The following TMEM272 variants were observed in gnomAD, a reference collection of about 807,000 sequenced individuals.
TMEM272 encodes transmembrane protein 272, also known as long intergenic non-protein coding RNA 282.
In TMEM272, 8 loss-of-function variants were observed where a neutral mutation model predicts 3.7. The ratio of observed to expected loss-of-function variants is 2.17; its 90% CI spans 1.27 to 3.91. The LOEUF (loss-of-function observed/expected upper bound fraction) is 3.91. Ranked by LOEUF, TMEM272 falls within the 30% of genes most tolerant of loss-of-function variation. The pLI is 0.00. For missense variants in TMEM272, 166 were observed against 91.5 expected (o/e 1.81, Z -3.32); for synonymous variants, 63 against 39.8 (o/e 1.58, Z -2.20).
At chr13:51,910,569 A>C in the TMEM272 span, 22 of 681,384 alleles carry the variant, frequency 3.2e-5, no homozygotes, top group Non-Finnish European at 5.6e-5. Flanking sequence ...CCTGGGTAGC[A>C]ACTGCAGGAC....
the TMEM272 span, among the ~76,000 whole-genome samples, chr13:51,928,680 G>A: frequency 2.0e-5 from 3 of 152,120 alleles, no homozygotes; most frequent in Non-Finnish European, 4.4e-5. Flanking sequence ...TAGAGGTCTG[G>A]AGCAGTTTGT....
At chr13:51,844,628 G>A (rs1344027344) in intron 1 of TMEM272, among the ~76,000 whole-genome samples, 1 of 152,010 alleles carries the variant, frequency 6.6e-6, no homozygotes, top group Non-Finnish European at 1.5e-5. Flanking sequence ...CACTTCCTTT[G>A]AGCTCTACCA....
the TMEM272 span, among the ~76,000 whole-genome samples, chr13:51,867,746 G>C: frequency 6.6e-6 from 1 of 152,162 alleles, no homozygotes. Flanking sequence ...CCCATCCTCA[G>C]CTCTCCATGG....
At chr13:51,854,302 A>G in the TMEM272 span, among the ~76,000 whole-genome samples, 1 of 152,202 alleles carries the variant, frequency 6.6e-6, no homozygotes, top group Non-Finnish European at 1.5e-5. Flanking sequence ...CCAAAGTTTC[A>G]TGTAAGAATA....
the TMEM272 span, chr13:51,921,102 G>C: frequency 1.3e-5 from 2 of 152,372 alleles, no homozygotes; most frequent in South Asian, 2.1e-4. Context: ...GCTGACCCTG[G>C]TCAATACGCA....
At chr13:51,884,058 A>G in the TMEM272 span, among the ~76,000 whole-genome samples, 2 of 152,240 alleles carry the variant, frequency 1.3e-5, no homozygotes, top group Admixed American at 1.3e-4. Flanking sequence ...ATTACCATCA[A>G]TAAGTGATAC....
the TMEM272 span, among the ~76,000 whole-genome samples, chr13:51,918,721 GCTCAAGTATCCTCCCAC>G: frequency 6.6e-6 from 1 of 150,978 alleles, no homozygotes; most frequent in Non-Finnish European, 1.5e-5. Context: ...AACCTCCCCA[GCTCAAGTATCCTCCCAC>G]CTCAGCCTCC....
the TMEM272 span, among the ~76,000 whole-genome samples, chr13:51,894,900 G>C: frequency 7.9e-5 from 12 of 151,976 alleles, no homozygotes; most frequent in Non-Finnish European, 1.8e-4. Context: ...CCTGCAACTA[G>C]ATGGTCCCAT....
At chr13:51,832,960 C>G (rs58763654) in intron 2 of TMEM272, among the ~76,000 whole-genome samples, 1 of 152,102 alleles carries the variant, frequency 6.6e-6, no homozygotes, top group East Asian at 1.9e-4. Flanking sequence ...GTGGAAGGGA[C>G]CAGCAGGGGC....
At chr13:51,883,284 T>C in the TMEM272 span, among the ~76,000 whole-genome samples, 1 of 152,204 alleles carries the variant, frequency 6.6e-6, no homozygotes, top group Non-Finnish European at 1.5e-5. Flanking sequence ...CCCAGCTCAG[T>C]GAACAGGGGT....
the TMEM272 span, among the ~76,000 whole-genome samples, chr13:51,887,755 C>T: frequency 6.6e-6 from 1 of 152,316 alleles, no homozygotes; most frequent in African/African-American, 2.4e-5. Context: ...GAAGACTCTG[C>T]CAACTCTTCT....
the TMEM272 span, among the ~76,000 whole-genome samples, chr13:51,851,739 G>A: frequency 6.6e-6 from 1 of 152,160 alleles, no homozygotes; most frequent in Admixed American, 6.5e-5. Flanking sequence ...TGGCCAGGCT[G>A]CTCTCAAACT....
chr13:51,885,888 T>C, the TMEM272 span, among the ~76,000 whole-genome samples: 9 of 152,164 alleles, frequency 5.9e-5, no homozygotes, highest in African/African-American at 1.7e-4. Flanking sequence ...AACAAATAAA[T>C]GCCCAATGAG....
chr13:51,818,754 T>G (rs1278712254), intron 4 of TMEM272, among the ~76,000 whole-genome samples: 1 of 152,212 alleles, frequency 6.6e-6, no homozygotes, highest in Non-Finnish European at 1.5e-5. Flanking sequence ...AATGGAGAGT[T>G]ATTACTTATG....
At chr13:51,918,803 CTTTTTTTTT>C in the TMEM272 span, among the ~76,000 whole-genome samples, 3 of 81,044 alleles carry the variant, frequency 3.7e-5, no homozygotes, top group African/African-American at 1.5e-4. Context: ...TTTTGAAATT[CTTTTTTTTT>C]TTTTTTTTTT....
chr13:51,922,271 T>C, the TMEM272 span, among the ~76,000 whole-genome samples: 2 of 152,236 alleles, frequency 1.3e-5, no homozygotes, highest in Non-Finnish European at 2.9e-5. Context: ...AAAAGAGCCC[T>C]GTTTATACAC....
At chr13:51,826,113 T>A (rs1349955806) in intron 3 of TMEM272, among the ~76,000 whole-genome samples, 1 of 139,188 alleles carries the variant, frequency 7.2e-6, no homozygotes, top group African/African-American at 2.8e-5. Flanking sequence ...ACGTGATTTA[T>A]GGAAATATTT....
the TMEM272 span, among the ~76,000 whole-genome samples, chr13:51,869,642 G>A: frequency 1.1e-4 from 16 of 151,820 alleles, no homozygotes; most frequent in East Asian, 3.9e-4. Flanking sequence ...GGCACCTGCC[G>A]CCATGCCCGG....
chr13:51,925,610 T>C, the TMEM272 span, among the ~76,000 whole-genome samples: 1 of 152,062 alleles, frequency 6.6e-6, no homozygotes, highest in Non-Finnish European at 1.5e-5. Context: ...CAGAGATGCA[T>C]AGAGATGTGT....
Sources: allele counts gnomAD v4.1 joint callset (sites outside exome capture counted in the v4.1 genomes callset), GRCh38; gene constraint gnomAD v4.1.1; transcripts MANE v1.5; gene names NCBI Gene and HGNC (gene_info 2026-07-23, HGNC 2026-07-21).